The following SAMD4A variants were observed in gnomAD, a reference collection of about 807,000 sequenced individuals.
SAMD4A encodes sterile alpha motif domain containing 4A, also known as protein Smaug homolog 1.
Under a neutral mutation model 81.3 loss-of-function variants are expected in SAMD4A, and 33 were observed. The observed-to-expected ratio is 0.41, with a 90% CI of 0.31 to 0.54. The LOEUF is 0.54. Ranked by LOEUF, SAMD4A falls within the 20% of genes least tolerant of loss-of-function variation. The pLI, the probability that SAMD4A is intolerant of heterozygous loss-of-function variation, is 0.37. For missense variants in SAMD4A, 854 were observed against 951.1 expected, an observed-to-expected ratio of 0.90 and a Z score of 1.34; for synonymous variants, 389 against 382.1, an observed-to-expected ratio of 1.02 and a Z score of -0.21.
At chr14:54,689,134 G>A (rs190319810) in intron 2 of SAMD4A, among the ~76,000 whole-genome samples, 5 of 152,102 alleles carry the variant, frequency 3.3e-5, no homozygotes, top group East Asian at 3.9e-4. Flanking sequence ...ATTTCACCAC[G>A]TTGGCCAGGC....
chr14:54,646,247 A>T (rs2035284171), intron 2 of SAMD4A, among the ~76,000 whole-genome samples: 1 of 152,182 alleles, frequency 6.6e-6, no homozygotes, highest in Non-Finnish European at 1.5e-5. Context: ...AGTCCATATT[A>T]TGTGTCAGTG....
chr14:54,566,515 C>T (rs1465445540), upstream of SAMD4A, among the ~76,000 whole-genome samples: 1 of 151,794 alleles, frequency 6.6e-6, no homozygotes, highest in East Asian at 1.9e-4. Flanking sequence ...ACTGGGGGAA[C>T]CCCCGCAGCC....
Position 54,655,631 on chromosome 14 carries a change from G to T in SAMD4A, c.197-46431G>T, listed in dbSNP as rs557682110. Among the ~76,000 whole-genome samples, 93 of 152,180 alleles carry T rather than the reference G, an allele frequency of 6.1e-4. 1 individual carries two copies. Among genetic ancestry groups the T allele is most frequent in the Non-Finnish European group, 9.1e-4 (62 of 68,012 alleles). ...CGCATACCTGTAATCTCAGCTACTC[G>T]GGAGGCTGAGGCAGGAGAATCCCTT... On this transcript the variant is annotated intron_variant, in intron 2 of 12. Coordinates refer to ENST00000554335, the MANE Select transcript of SAMD4A (RefSeq NM_015589.6).
chr14:54,648,539 A>G (rs17127700), intron 2 of SAMD4A, among the ~76,000 whole-genome samples: 3,732 of 152,352 alleles, frequency 0.024, 93 homozygotes, highest in Middle Eastern at 0.092. Flanking sequence ...TAGATGGATC[A>G]ATTTAATGTT....
At chr14:54,612,306 A>G (rs2140270443) in intron 2 of SAMD4A, among the ~76,000 whole-genome samples, 1 of 152,256 alleles carries the variant, frequency 6.6e-6, no homozygotes, top group South Asian at 2.1e-4. Flanking sequence ...TTTTATGATA[A>G]GATACCATCA....
chr14:54,604,445 G>A (rs947088433), intron 2 of SAMD4A, among the ~76,000 whole-genome samples: 3 of 152,210 alleles, frequency 2.0e-5, no homozygotes, highest in African/African-American at 7.2e-5. Flanking sequence ...ATTAGGTAAG[G>A]GGAGATTTAG....
intron 4 of SAMD4A, among the ~76,000 whole-genome samples, chr14:54,748,578 A>G (rs984386511): frequency 6.6e-6 from 1 of 152,144 alleles, no homozygotes; most frequent in Admixed American, 6.5e-5. Flanking sequence ...ATGGACCCCA[A>G]CTTAGTACTC....
chr14:54,624,213 T>G (rs537313950), intron 2 of SAMD4A, among the ~76,000 whole-genome samples: 1 of 151,622 alleles, frequency 6.6e-6, no homozygotes, highest in African/African-American at 2.4e-5. Flanking sequence ...GACCTTGTGA[T>G]CCACCCACCT....
At chr14:54,681,470 C>T (rs2036126649) in intron 2 of SAMD4A, among the ~76,000 whole-genome samples, 1 of 152,088 alleles carries the variant, frequency 6.6e-6, no homozygotes, top group Non-Finnish European at 1.5e-5. Flanking sequence ...CGCTCTGTTA[C>T]CCAGGCTGGA....
In SAMD4A at chr14:54,739,055, C is replaced by CTTTTTTTTTTTTTTTTT. The variant is rs3051648; in HGVS notation, c.979+1771_979+1787dup. 6.3e-4 allele frequency among the ~76,000 whole-genome samples: 61 copies of CTTTTTTTTTTTTTTTTT among 97,350 alleles called. 2 individuals are homozygous for CTTTTTTTTTTTTTTTTT. The highest frequency in any genetic ancestry group is 6.8e-3 in the Middle Eastern group (1 of 146). 63.9% of individuals were successfully genotyped at this position (97,350 alleles called of 152,430 possible). ...TACTTTGTTTTCTTTCTTTCCTTTTCTTTTTTTTTTTTTTTTTTTGAGGCC... is the reference window on the plus strand; with the variant it reads ...TACTTTGTTTTCTTTCTTTCCTTTTCTTTTTTTTTTTTTTTTTTTTTTTTTTTTTTTTTTTTGAGGCC... On this transcript the variant is annotated intron_variant, in intron 4 of 12. Transcript: ENST00000554335.
At chr14:54,730,372 T>C (rs775334914) in intron 3 of SAMD4A, among the ~76,000 whole-genome samples, 21 of 152,258 alleles carry the variant, frequency 1.4e-4, no homozygotes, top group Non-Finnish European at 2.4e-4. Flanking sequence ...CCCTTTGGTC[T>C]GATTTGCATA....
At chr14:54,747,834 G>A (rs2038004530) in intron 4 of SAMD4A, among the ~76,000 whole-genome samples, 1 of 152,202 alleles carries the variant, frequency 6.6e-6, no homozygotes. Context: ...ATGATCTAGG[G>A]ATGAGGGAAG....
chr14:54,775,162 G>C, intron 10 of SAMD4A, 27 bp downstream of exon 10: 1 of 1,613,860 alleles, frequency 6.2e-7, no homozygotes, highest in Non-Finnish European at 8.5e-7. Context: ...GGAAGGAGGA[G>C]GATGGCCAAG....
intron 2 of SAMD4A, among the ~76,000 whole-genome samples, chr14:54,646,972 C>G (rs1040693276): frequency 6.6e-6 from 1 of 152,110 alleles, no homozygotes. Context: ...CTCAATGCAG[C>G]TTTTATACAA....
intron 3 of SAMD4A, among the ~76,000 whole-genome samples, chr14:54,723,091 T>C (rs1203954125): frequency 1.7e-5 from 1 of 60,144 alleles, no homozygotes; most frequent in African/African-American, 3.8e-5. Flanking sequence ...GGTTATCTTA[T>C]ATTTTTAAAT....
At chr14:54,626,737 C>T (rs1178026707) in intron 2 of SAMD4A, among the ~76,000 whole-genome samples, 1 of 152,084 alleles carries the variant, frequency 6.6e-6, no homozygotes, top group Non-Finnish European at 1.5e-5. Flanking sequence ...AACAGCAATT[C>T]TCTGTTCAAC....
At chr14:54,630,615 T>A (rs554069478) in intron 2 of SAMD4A, among the ~76,000 whole-genome samples, 161 of 152,350 alleles carry the variant, frequency 1.1e-3, no homozygotes, top group African/African-American at 3.5e-3. Context: ...CTTTAGCTTT[T>A]AAGCTGTTGT....
At chr14:54,704,986 C>T (rs2036817491) in intron 3 of SAMD4A, among the ~76,000 whole-genome samples, 1 of 152,158 alleles carries the variant, frequency 6.6e-6, no homozygotes, top group African/African-American at 2.4e-5. Flanking sequence ...ATCAACGCCT[C>T]CTAGGTCCAA....
intron 2 of SAMD4A, among the ~76,000 whole-genome samples, chr14:54,663,581 T>C (rs1670832519): frequency 6.6e-6 from 1 of 152,182 alleles, no homozygotes; most frequent in African/African-American, 2.4e-5. Flanking sequence ...TACTGCACCT[T>C]AGGAGGGGAT....
Sources: allele counts gnomAD v4.1 joint callset (sites outside exome capture counted in the v4.1 genomes callset), GRCh38; gene constraint gnomAD v4.1.1; transcripts MANE v1.5; gene names NCBI Gene and HGNC (gene_info 2026-07-23, HGNC 2026-07-21).